SCN8A: variants seen among roughly 807,000 people sequenced by gnomAD.
SCN8A encodes the protein sodium channel protein type 8 subunit alpha.
Under a neutral mutation model 184.1 loss-of-function variants are expected in SCN8A, and 30 were observed. That is an observed-to-expected ratio of 0.16 (90% CI 0.12 to 0.22). SCN8A has a LOEUF of 0.22. SCN8A is among the 10% of genes least tolerant of loss of function. The probability of loss-of-function intolerance (pLI) is 1.00; values close to 1 mark genes in which losing one functional copy is unlikely to be tolerated. For missense variants in SCN8A, 1,057 were observed against 2,498.9 expected (o/e 0.42, Z 12.30); for synonymous variants, 852 against 907.0 (o/e 0.94, Z 1.09).
At chr12:51,695,940 G>A (rs1941585673) in intron 6 of SCN8A, among the ~76,000 whole-genome samples, 2 of 152,172 alleles carry the variant, frequency 1.3e-5, no homozygotes, top group Non-Finnish European at 2.9e-5. Flanking sequence ...TGGAGCTCAT[G>A]GCCTAGAATT....
rs756501138 is a variant in SCN8A, at chr12:51,811,252, A to C, written c.*3823A>C. 4 of 152,068 alleles carry C rather than the reference A, an allele frequency of 2.6e-5. No individual in the cohort carries two copies. Among genetic ancestry groups the C allele is most frequent in the Non-Finnish European group, 4.4e-5 (3 of 68,070 alleles). 9.4% of individuals were successfully genotyped at this position (152,068 alleles called of 1,614,324 possible). A position where few individuals can be genotyped will look rare whatever the true frequency, so the allele number is the denominator to read the frequency against. ...AAGGGGCTCTCGCAAAGTTCTGGCT[A>C]AGAAGGAGAGATTGGAAGAAAAGCA... On this transcript the variant is annotated 3_prime_UTR_variant, in exon 27 of 27. Coordinates refer to ENST00000627620, the MANE Select transcript of SCN8A (RefSeq NM_001330260.2).
At chr12:51,702,617 C>T (rs1941710378) in intron 8 of SCN8A, among the ~76,000 whole-genome samples, 156 bp from the exon 9 acceptor site, 1 of 152,190 alleles carries the variant, frequency 6.6e-6, no homozygotes, top group Non-Finnish European at 1.5e-5. Context: ...TTATTTCCTT[C>T]TTCTTTTTCT....
chr12:51,749,820 A>G (rs917864645), intron 13 of SCN8A, among the ~76,000 whole-genome samples: 1 of 150,838 alleles, frequency 6.6e-6, no homozygotes, highest in African/African-American at 2.4e-5. Flanking sequence ...ATGTTAGGGA[A>G]TTTTTTTTTT....
At chr12:51,645,700 G>C (rs1298754209) in intron 1 of SCN8A, among the ~76,000 whole-genome samples, 1 of 150,796 alleles carries the variant, frequency 6.6e-6, no homozygotes, top group Non-Finnish European at 1.5e-5. Context: ...ACTCAGGGTT[G>C]AATGGATTAA....
chr12:51,688,739 C>G (rs1941459941), intron 5 of SCN8A: 1 of 1,590,526 alleles, frequency 6.3e-7, no homozygotes, highest in Admixed American at 1.7e-5. Flanking sequence ...TACAAGTTAA[C>G]TTTGGTTTGA....
intron 20 of SCN8A, among the ~76,000 whole-genome samples, chr12:51,775,499 A>T (rs1258147930): frequency 3.3e-5 from 5 of 152,154 alleles, no homozygotes. Context: ...GCCTTTGGGA[A>T]ATGCCTAAAT....
At chr12:51,696,937 G>T (rs949664254) in intron 6 of SCN8A, among the ~76,000 whole-genome samples, 4 of 151,464 alleles carry the variant, frequency 2.6e-5, no homozygotes, top group African/African-American at 9.7e-5. Context: ...TACTCTAGAG[G>T]CTGAGGCAGG....
At chr12:51,650,618 C>T (rs567278882) in intron 1 of SCN8A, among the ~76,000 whole-genome samples, 11 of 151,806 alleles carry the variant, frequency 7.2e-5, no homozygotes, top group Admixed American at 4.6e-4. Context: ...ATAAACTGGC[C>T]CCAAAACTGG....
At chr12:51,785,571 CT>C (rs1174968165) in intron 21 of SCN8A, among the ~76,000 whole-genome samples, 1 of 152,186 alleles carries the variant, frequency 6.6e-6, no homozygotes, top group Non-Finnish European at 1.5e-5. Flanking sequence ...ACCCTAAACT[CT>C]AAATTGTGTG....
intron 2 of SCN8A, among the ~76,000 whole-genome samples, chr12:51,672,698 T>G (rs1941153753): frequency 6.6e-6 from 1 of 152,234 alleles, no homozygotes; most frequent in African/African-American, 2.4e-5. Context: ...TGAACTCATT[T>G]TCTTCCCCTC....
intron 16 of SCN8A, chr12:51,766,244 C>A: frequency 1.7e-6 from 1 of 579,352 alleles, no homozygotes; most frequent in Non-Finnish European, 3.0e-6. Flanking sequence ...ACTTGTCAAC[C>A]CTTTTCCTAG....
intron 1 of SCN8A, among the ~76,000 whole-genome samples, chr12:51,634,084 T>TAA (rs1397963667): frequency 6.6e-6 from 1 of 152,214 alleles, no homozygotes; most frequent in Non-Finnish European, 1.5e-5. Flanking sequence ...TAAATTATCT[T>TAA]AGAGTCAAAC....
At chr12:51,676,613 T>G (rs1246677077) in intron 2 of SCN8A, among the ~76,000 whole-genome samples, 1 of 152,166 alleles carries the variant, frequency 6.6e-6, no homozygotes, top group Non-Finnish European at 1.5e-5. Context: ...GTACATATAT[T>G]TTGTTTAGGC....
chr12:51,603,128 G>A (rs1939505517), intron 1 of SCN8A, among the ~76,000 whole-genome samples: 1 of 152,104 alleles, frequency 6.6e-6, no homozygotes, highest in African/African-American at 2.4e-5. Flanking sequence ...ATACAGAACA[G>A]TTCCATTACC....
At chr12:51,736,905 A>G (rs1157833501) in intron 12 of SCN8A, among the ~76,000 whole-genome samples, 1 of 152,228 alleles carries the variant, frequency 6.6e-6, no homozygotes, top group Non-Finnish European at 1.5e-5. Context: ...GAAAAACTTT[A>G]CCTTTTGATT....
At chr12:51,796,434 C>T (rs1027950320) in intron 26 of SCN8A, among the ~76,000 whole-genome samples, 2 of 152,246 alleles carry the variant, frequency 1.3e-5, no homozygotes, top group African/African-American at 4.8e-5. Flanking sequence ...AAATCATACC[C>T]CCTATTTTCA....
chr12:51,768,606 A>G (rs1042539548), intron 16 of SCN8A, among the ~76,000 whole-genome samples: 1 of 152,190 alleles, frequency 6.6e-6, no homozygotes, highest in African/African-American at 2.4e-5. Flanking sequence ...GAGAAGTAAT[A>G]TATTTTCGGG....
At chr12:51,757,594 CCTGG>C (rs1942696439) in intron 14 of SCN8A, among the ~76,000 whole-genome samples, 1 of 152,170 alleles carries the variant, frequency 6.6e-6, no homozygotes, top group African/African-American at 2.4e-5. Flanking sequence ...TACTTGTTGA[CCTGG>C]CATTACAAGT....
Position 51,601,855 on chromosome 12 carries a change from GTTTTTTTTTTTT to G in SCN8A, c.-55+10510_-55+10521del, listed in dbSNP as rs938674707. On this transcript the variant is annotated intron_variant, in intron 1 of 26. Transcript: ENST00000627620. ...GCCAAGGGTGGTGCTCAGAGAAAGGGTTTTTTTTTTTTTTTTTTTTTTTTTAAGAGCAATGCA... is the reference window on the plus strand; with the variant it reads ...GCCAAGGGTGGTGCTCAGAGAAAGGGTTTTTTTTTTTTTAAGAGCAATGCA... Among the ~76,000 whole-genome samples, 5 of 109,746 alleles carry G rather than the reference GTTTTTTTTTTTT, an allele frequency of 4.6e-5. 1 individual carries two copies. The highest frequency in any genetic ancestry group is 3.6e-5 in the African/African-American group (1 of 27,520). The allele number at this position is 109,746 out of a possible 152,430, so 72.0% of individuals were successfully genotyped here. A position where few individuals can be genotyped will look rare whatever the true frequency, so the allele number is the denominator to read the frequency against.
Sources: allele counts gnomAD v4.1 joint callset (sites outside exome capture counted in the v4.1 genomes callset), GRCh38; gene constraint gnomAD v4.1.1; transcripts MANE v1.5; gene names NCBI Gene and HGNC (gene_info 2026-07-23, HGNC 2026-07-21).